ZDHHC18: variants seen among roughly 807,000 people sequenced by gnomAD.
The protein encoded by ZDHHC18 is palmitoyltransferase ZDHHC18.
Under a neutral mutation model 37.5 loss-of-function variants are expected in ZDHHC18, and 23 were observed. The ratio of observed to expected loss-of-function variants is 0.61; its 90% CI spans 0.44 to 0.87. The LOEUF (loss-of-function observed/expected upper bound fraction) is 0.87. ZDHHC18 is among the 40% of genes least tolerant of loss of function. The pLI, the probability that ZDHHC18 is intolerant of heterozygous loss-of-function variation, is 0.00. For synonymous variants in ZDHHC18, 185 were observed against 218.7 expected (o/e 0.85, Z 1.36); for missense variants, 406 against 525.6 (o/e 0.77, Z 2.22).
At chr1:26,837,505 A>G (rs1166101029) in intron 2 of ZDHHC18, among the ~76,000 whole-genome samples, 2 of 148,570 alleles carry the variant, frequency 1.3e-5, no homozygotes, top group African/African-American at 4.9e-5. Flanking sequence ...TTTGAGACAG[A>G]GTCTCGCTCT....
At position 26,850,564 on chromosome 1, in the gene ZDHHC18, A is replaced by G. The variant is rs2081697605; in HGVS notation, c.791A>G (p.Gln264Arg). The change falls in exon 5 of 8, where the codon CAG (glutamine) becomes CGG (arginine). Residue 264 changes from glutamine to arginine, a missense_variant. Physicochemically the swap from Gln to Arg is conservative, Grantham distance 43 (BLOSUM62 1). Coordinates refer to ENST00000374142, the MANE Select transcript of ZDHHC18 (RefSeq NM_032283.3). This position sits in a 1 kb window ranked among gnomAD's most constrained non-coding sequence, Gnocchi z 6.1. ...CVVTHLTLRA[Q>R]GSNFLSTLKE... Reference sequence around the variant, plus strand: ...CCTGTTTCTTTCTCCCCAGGCGCTCAGGGAAGCAACTTCCTCTCCACTCTG... The same window carrying G: ...CCTGTTTCTTTCTCCCCAGGCGCTCGGGGAAGCAACTTCCTCTCCACTCTG... 1 of 1,614,058 alleles carries G rather than the reference A, an allele frequency of 6.2e-7. No individual in the cohort carries two copies. The highest frequency in any genetic ancestry group is 8.5e-7 in the Non-Finnish European group (1 of 1,180,028).
Position 26,845,622 on chromosome 1 carries a change from C to T in ZDHHC18, c.497-2986C>T, listed in dbSNP as rs113395596. On this transcript the variant is annotated intron_variant, in intron 2 of 7. Transcript: ENST00000374142. ...TGCTGGGATTACAGGCTTGAGCCAC[C>T]GCGCCCGGCCTCATTCTTTTTTTTA... 6.2e-3 allele frequency among the ~76,000 whole-genome samples: 939 copies of T among 151,916 alleles called. 5 individuals are homozygous for T. Among genetic ancestry groups the T allele is most frequent in the African/African-American group, 0.021 (882 of 41,440 alleles).
intron 1 of ZDHHC18, 64 bp from the exon 2 acceptor site, chr1:26,832,383 T>C: frequency 6.3e-7 from 1 of 1,596,196 alleles, no homozygotes. Flanking sequence ...TGCCACGTGC[T>C]GTAGCCCTGT....
intron 1 of ZDHHC18, among the ~76,000 whole-genome samples, 169 bp from the exon 2 acceptor site, chr1:26,832,278 T>C (rs551202895): frequency 7.9e-5 from 12 of 152,314 alleles, no homozygotes; most frequent in South Asian, 4.1e-4. Context: ...CCGGTACTTA[T>C]TGGGGAGTGG....
Position 26,854,009 on chromosome 1 carries a change from C to A in ZDHHC18, c.*166C>A. ...TCCCTGAACTGTTCCGTGGCTGTGCCCTCTGCTCCCCAAACCCAGGTTCCC... is the reference window on the plus strand; with the variant it reads ...TCCCTGAACTGTTCCGTGGCTGTGCACTCTGCTCCCCAAACCCAGGTTCCC... On this transcript the variant is annotated 3_prime_UTR_variant, in exon 8 of 8. Coordinates refer to ENST00000374142, the MANE Select transcript of ZDHHC18 (RefSeq NM_032283.3). The surrounding 1 kb of genome is among the most constrained non-coding windows in gnomAD (Gnocchi z 4.6). The A allele has an allele frequency of 4.6e-6, 3 of 656,444 alleles. No individual in the cohort carries two copies. Among genetic ancestry groups the A allele is most frequent in the Non-Finnish European group, 7.8e-6 (3 of 382,988 alleles). The allele number at this position is 656,444 out of a possible 1,614,324, so 40.7% of individuals were successfully genotyped here. A position where few individuals can be genotyped will look rare whatever the true frequency, so the allele number is the denominator to read the frequency against.
chr1:26,835,285 G>T (rs2081606432), intron 2 of ZDHHC18, among the ~76,000 whole-genome samples: 1 of 152,268 alleles, frequency 6.6e-6, no homozygotes, highest in Admixed American at 6.5e-5. Flanking sequence ...ATGTCCCTAA[G>T]ACTTTTCTTG....
rs2081559074 is a variant in ZDHHC18, at chr1:26,826,852, G to A, written c.48G>A (p.Leu16=). 3 of 980,370 alleles carry A rather than the reference G, an allele frequency of 3.1e-6. No individual in the cohort carries two copies. The South Asian group carries it at 1.4e-4, about 44-fold the overall frequency. The allele number at this position is 980,370 out of a possible 1,614,324, so 60.7% of individuals were successfully genotyped here. The part of the protein sequence containing the change: ...YQQISPGAAP[L]PASPGARRPG... ...AGATCAGCCCCGGGGCCGCCCCGCTGCCCGCCTCCCCGGGGGCGCGCCGTC... is the reference window on the plus strand; with the variant it reads ...AGATCAGCCCCGGGGCCGCCCCGCTACCCGCCTCCCCGGGGGCGCGCCGTC... The change falls in exon 1 of 8, where the codon CTG becomes CTA. Residue 16 remains leucine, a synonymous_variant. Coordinates refer to ENST00000374142, the MANE Select transcript of ZDHHC18 (RefSeq NM_032283.3). This position sits in a 1 kb window ranked among gnomAD's most constrained non-coding sequence, Gnocchi z 5.2.
intron 2 of ZDHHC18, among the ~76,000 whole-genome samples, chr1:26,835,691 C>T (rs1327550543): frequency 6.6e-6 from 1 of 152,140 alleles, no homozygotes; most frequent in Non-Finnish European, 1.5e-5. Context: ...CAGAGCAAGA[C>T]TCCGTCTCAA....
intron 2 of ZDHHC18, among the ~76,000 whole-genome samples, chr1:26,838,494 G>C (rs960950574): frequency 7.2e-5 from 11 of 152,102 alleles, no homozygotes; most frequent in African/African-American, 2.7e-4. Flanking sequence ...ATTTCCCTCT[G>C]TGTTCTTGAG....
At chr1:26,845,826 A>G (rs528775771) in intron 2 of ZDHHC18, among the ~76,000 whole-genome samples, 4 of 151,978 alleles carry the variant, frequency 2.6e-5, no homozygotes, top group Non-Finnish European at 4.4e-5. Context: ...CAGTGGCACA[A>G]TCATGGCTCA....
intron 6 of ZDHHC18, among the ~76,000 whole-genome samples, chr1:26,851,863 C>T (rs1319446697): frequency 6.6e-6 from 1 of 152,254 alleles, no homozygotes; most frequent in East Asian, 1.9e-4. Flanking sequence ...TGCCTGCCAC[C>T]CTGCAGACTG....
chr1:26,852,781 G>A lies in ZDHHC18; in HGVS notation c.965G>A (p.Gly322Asp), dbSNP rs756444057. The change falls in exon 7 of 8, where the codon GGC (glycine) becomes GAC (aspartate). Residue 322 changes from glycine (G) to aspartate (D), a missense_variant. Transcript: ENST00000374142. ...DIKGSWSSKR[G>D]GEASVNPYSH... The stretch of plus-strand genomic sequence containing the variant: ...AAAGGCTCGTGGTCCAGCAAGAGGG[G>A]CGGTGAGGCCTCTGTCAACCCCTAC... 5 of 1,614,084 alleles carry A rather than the reference G, an allele frequency of 3.1e-6. No individual in the cohort carries two copies. Among genetic ancestry groups the A allele is most frequent in the Non-Finnish European group, 4.2e-6 (5 of 1,179,986 alleles).
At position 26,856,467 on chromosome 1, in the gene ZDHHC18, C is replaced by T. The variant is rs892970591; in HGVS notation, c.*2624C>T. The T allele has an allele frequency of 4.0e-5, 10 of 253,090 alleles. No homozygotes were observed. Among genetic ancestry groups the T allele is most frequent in the Non-Finnish European group, 5.2e-5 (6 of 115,692 alleles). 15.7% of individuals were successfully genotyped at this position (253,090 alleles called of 1,614,324 possible). ...ATAGGGCAAGGCTAAAAGCCCAGCC[C>T]CATTGTGGACTGAGGAAGTAGCTTC... On this transcript the variant is annotated 3_prime_UTR_variant, in exon 8 of 8. Transcript: ENST00000374142. This position sits in a 1 kb window ranked among gnomAD's most constrained non-coding sequence, Gnocchi z 5.2.
At chr1:26,838,515 T>C (rs553509818) in intron 2 of ZDHHC18, among the ~76,000 whole-genome samples, 3 of 152,342 alleles carry the variant, frequency 2.0e-5, no homozygotes, top group Admixed American at 6.5e-5. Context: ...GCATTGAGTA[T>C]AGGCACCAGT....
chr1:26,846,262 A>G (rs2081664642), intron 2 of ZDHHC18, among the ~76,000 whole-genome samples: 1 of 130,032 alleles, frequency 7.7e-6, no homozygotes, highest in African/African-American at 2.9e-5. Flanking sequence ...ATATATCTCT[A>G]TAGAGATATA....
At chr1:26,828,972 A>T (rs979390439) in intron 1 of ZDHHC18, among the ~76,000 whole-genome samples, 7 of 152,332 alleles carry the variant, frequency 4.6e-5, no homozygotes, top group Middle Eastern at 3.4e-3. Flanking sequence ...CTGAACTAGA[A>T]GCAGGACCTT....
chr1:26,846,420 G>A (rs1392169851), intron 2 of ZDHHC18, among the ~76,000 whole-genome samples: 4 of 140,834 alleles, frequency 2.8e-5, no homozygotes, highest in East Asian at 4.4e-4. Flanking sequence ...TCTGCCTCCC[G>A]GGTTGACGCC....
At chr1:26,837,905 G>A (rs374768317) in intron 2 of ZDHHC18, among the ~76,000 whole-genome samples, 197 of 152,170 alleles carry the variant, frequency 1.3e-3, no homozygotes, top group African/African-American at 4.4e-3. Flanking sequence ...GCCTCAGTGC[G>A]TTTGCTTGTG....
At chr1:26,841,706 A>G (rs1024337057) in intron 2 of ZDHHC18, among the ~76,000 whole-genome samples, 10 of 152,248 alleles carry the variant, frequency 6.6e-5, no homozygotes, top group South Asian at 2.1e-4. Flanking sequence ...GGGTCATGGC[A>G]TGAACAGTTG....
Sources: gnomAD v4.1 joint callset for allele counts (sites outside exome capture counted in the v4.1 genomes callset) on GRCh38, gnomAD v4.1.1 for gene constraint, Gnocchi (gnomAD v3.1) non-coding constraint, MANE v1.5 for transcripts, NCBI Gene and HGNC (gene_info 2026-07-23, HGNC 2026-07-21) for gene names.